The following TMCC3 variants were observed in gnomAD, a reference collection of about 807,000 sequenced individuals.
The protein encoded by TMCC3 is transmembrane and coiled-coil domain protein 3.
TMCC3 carries 28 observed loss-of-function variants against 40.2 expected under a neutral mutation model. The observed-to-expected ratio is 0.70, with a 90% CI of 0.52 to 0.95. TMCC3 has a LOEUF of 0.95. Among genes scored for constraint, TMCC3 ranks in the 40% least tolerant of loss-of-function variants. TMCC3 has a pLI of 0.00. For missense variants in TMCC3, 554 were observed against 615.2 expected, an observed-to-expected ratio of 0.90 and a Z score of 1.05; for synonymous variants, 255 against 248.5, an observed-to-expected ratio of 1.03 and a Z score of -0.25.
chr12:94,638,626 T>A (rs1366683040), intron 1 of TMCC3, among the ~76,000 whole-genome samples: 1 of 152,234 alleles, frequency 6.6e-6, no homozygotes. Flanking sequence ...TCTTACTGAA[T>A]GGGCTTCATA....
chr12:94,572,569 C>T (rs1390964417), intron 3 of TMCC3, among the ~76,000 whole-genome samples: 1 of 152,056 alleles, frequency 6.6e-6, no homozygotes, highest in Non-Finnish European at 1.5e-5. Context: ...CCATGGCCTC[C>T]CACAGTGGTG....
chr12:94,648,013 G>A (rs1277817527), intron 1 of TMCC3, among the ~76,000 whole-genome samples: 1 of 152,182 alleles, frequency 6.6e-6, no homozygotes, highest in East Asian at 1.9e-4. Flanking sequence ...CATCACTGTA[G>A]TAGAATTTGT....
Position 94,610,545 on chromosome 12 carries a change from T to C in TMCC3, c.79-28007A>G, listed in dbSNP as rs565733785. ...TTCTATGCTGCTTCTAAAAAAATGA[T>C]AGTCTGCCACCCCTACCACCACCAC... On this transcript the variant is annotated intron_variant, in intron 1 of 3. Transcript: ENST00000261226. 1.1e-4 allele frequency among the ~76,000 whole-genome samples: 17 copies of C among 152,214 alleles called. No homozygotes were observed. In the East Asian group the frequency reaches 2.7e-3, roughly 24 times the overall value.
chr12:94,649,922 G>T (rs1466028863), intron 1 of TMCC3, among the ~76,000 whole-genome samples: 1 of 152,068 alleles, frequency 6.6e-6, no homozygotes, highest in Non-Finnish European at 1.5e-5. Context: ...CGAGGACAGG[G>T]AGACAGGGCG....
intron 1 of TMCC3, among the ~76,000 whole-genome samples, chr12:94,649,692 G>A (rs1313939362): frequency 1.3e-5 from 2 of 152,212 alleles, no homozygotes; most frequent in Non-Finnish European, 2.9e-5. Flanking sequence ...AGCCCTACAG[G>A]GCTCGTCTCT....
intron 1 of TMCC3, among the ~76,000 whole-genome samples, chr12:94,646,389 T>TA (rs1489168296): frequency 6.7e-6 from 1 of 149,932 alleles, no homozygotes; most frequent in East Asian, 1.9e-4. Flanking sequence ...AACATAAATT[T>TA]AAAAAAATTT....
rs2068526989 is a variant in TMCC3 at position 94,571,411 on chromosome 12, A to T, written c.*24T>A. 6.2e-7 allele frequency: 1 copy of T among 1,600,590 alleles called. No homozygotes were observed. The highest frequency in any genetic ancestry group is 1.7e-5 in the Admixed American group (1 of 58,702). On this transcript the variant is annotated 3_prime_UTR_variant, in exon 4 of 4. Transcript: ENST00000261226. Reference sequence around the variant, plus strand: ...TTCTTTAAAATAAAAACTTGAAAGAACTTGAAGGCAGGAACCAGTGGCTTC... The same window carrying T: ...TTCTTTAAAATAAAAACTTGAAAGATCTTGAAGGCAGGAACCAGTGGCTTC...
chr12:94,603,458 G>A (rs576213851), intron 1 of TMCC3, among the ~76,000 whole-genome samples: 10 of 152,176 alleles, frequency 6.6e-5, no homozygotes, highest in East Asian at 1.9e-4. Context: ...GCAACAAGTC[G>A]TTAAAAACCA....
At position 94,568,654 on chromosome 12, in the gene TMCC3, GT is replaced by G. The variant is rs1485703621; in HGVS notation, c.*2780del. On this transcript the variant is annotated 3_prime_UTR_variant, in exon 4 of 4. Transcript: ENST00000261226. ...ATTGAAGAGAACAAACAGTGGGAGT[GT>G]TTATTCCTTAAGAGAGAATAAACTG... The G allele has an allele frequency of 1.3e-5, 2 of 152,164 alleles. No individual in the cohort carries two copies. Among genetic ancestry groups the G allele is most frequent in the Non-Finnish European group, 2.9e-5 (2 of 68,020 alleles). 9.4% of individuals were successfully genotyped at this position (152,164 alleles called of 1,614,324 possible).
chr12:94,609,963 T>C (rs1407440528), intron 1 of TMCC3: 1 of 152,178 alleles, frequency 6.6e-6, no homozygotes, highest in East Asian at 1.9e-4. Context: ...GAGTCCCATG[T>C]CCATGCCCTA....
In TMCC3 at chr12:94,571,144, C is replaced by A. The variant is rs1205103862; in HGVS notation, c.*291G>T. 2.8e-6 allele frequency: 1 copy of A among 355,484 alleles called. No homozygotes were observed. The highest frequency in any genetic ancestry group is 5.1e-6 in the Non-Finnish European group (1 of 194,666). The allele number at this position is 355,484 out of a possible 1,614,324, so 22.0% of individuals were successfully genotyped here. A position where few individuals can be genotyped will look rare whatever the true frequency, so the allele number is the denominator to read the frequency against. On this transcript the variant is annotated 3_prime_UTR_variant, in exon 4 of 4. Coordinates refer to ENST00000261226, the MANE Select transcript of TMCC3 (RefSeq NM_020698.4). ...TCAGGATCACCAATTATGCCAAGGT[C>A]TCAATATACAGAGGTTTACCACGCT...
At chr12:94,597,738 C>T (rs180838241) in intron 1 of TMCC3, among the ~76,000 whole-genome samples, 6 of 151,758 alleles carry the variant, frequency 4.0e-5, no homozygotes, top group Non-Finnish European at 7.4e-5. Flanking sequence ...ACCTGGGAGG[C>T]GGAGGTTGCA....
chr12:94,628,463 T>C (rs141007886), intron 1 of TMCC3, among the ~76,000 whole-genome samples: 4 of 152,206 alleles, frequency 2.6e-5, no homozygotes, highest in Admixed American at 2.0e-4. Flanking sequence ...GAGCTACCAA[T>C]GACAGGCACA....
At chr12:94,593,461 A>G (rs61938489) in intron 1 of TMCC3, among the ~76,000 whole-genome samples, 720 of 31,828 alleles carry the variant, frequency 0.023, 228 homozygotes, top group Admixed American at 0.032. Context: ...GGAGAAGAAG[A>G]AGAAGAAGAA....
intron 2 of TMCC3, 98 bp downstream of exon 2, chr12:94,581,524 A>T: frequency 1.2e-6 from 1 of 813,862 alleles, no homozygotes; most frequent in African/African-American, 1.8e-5. Flanking sequence ...TATCCGTGGT[A>T]ATAAAAAAGT....
At chr12:94,616,640 G>A (rs1005719853) in intron 1 of TMCC3, among the ~76,000 whole-genome samples, 1 of 152,162 alleles carries the variant, frequency 6.6e-6, no homozygotes, top group African/African-American at 2.4e-5. Flanking sequence ...GAGAGTACTT[G>A]GTGCTAAGCG....
chr12:94,645,035 G>A (rs79446450), intron 1 of TMCC3, among the ~76,000 whole-genome samples: 2 of 152,074 alleles, frequency 1.3e-5, no homozygotes, highest in African/African-American at 4.8e-5. Context: ...GGTATTGTCC[G>A]GAACCACAAG....
At chr12:94,577,218 TCA>T (rs1193702697) in intron 3 of TMCC3, among the ~76,000 whole-genome samples, 22 of 152,286 alleles carry the variant, frequency 1.4e-4, no homozygotes, top group African/African-American at 5.3e-4. Flanking sequence ...AGACAGACTC[TCA>T]CTGTGTCGTC....
At chr12:94,603,392 TG>T (rs1262864667) in intron 1 of TMCC3, among the ~76,000 whole-genome samples, 1 of 152,004 alleles carries the variant, frequency 6.6e-6, no homozygotes, top group Non-Finnish European at 1.5e-5. Context: ...GCTGGTATTA[TG>T]GGCATGAGCC....
Sources: gnomAD v4.1 joint callset for allele counts (sites outside exome capture counted in the v4.1 genomes callset) on GRCh38, gnomAD v4.1.1 for gene constraint, MANE v1.5 for transcripts, NCBI Gene and HGNC (gene_info 2026-07-23, HGNC 2026-07-21) for gene names.